The following ABCA2 variants were observed in gnomAD, a reference collection of about 807,000 sequenced individuals.
ABCA2 encodes the protein ATP binding cassette subfamily A member 2.
ABCA2 carries 84 observed loss-of-function variants against 262.8 expected under a neutral mutation model. That is an observed-to-expected ratio of 0.32 (90% CI 0.27 to 0.38). The LOEUF (loss-of-function observed/expected upper bound fraction) is 0.38. Among genes scored for constraint, ABCA2 ranks in the 10% least tolerant of loss-of-function variants. The pLI, the probability that ABCA2 is intolerant of heterozygous loss-of-function variation, is 1.00. For synonymous variants in ABCA2, 1,696 were observed against 1,502.9 expected, an observed-to-expected ratio of 1.13 and a Z score of -2.97; for missense variants, 2,662 against 3,405.9, an observed-to-expected ratio of 0.78 and a Z score of 5.44.
At chr9:137,018,141 T>G in intron 14 of ABCA2, 37 bp downstream of exon 14, 2 of 1,609,656 alleles carry the variant, frequency 1.2e-6, no homozygotes, top group Non-Finnish European at 1.7e-6. Context: ...TCCTCCCCCA[T>G]GAATCCTCCA....
intron 1 of ABCA2, among the ~76,000 whole-genome samples, chr9:137,025,781 G>A (rs73668383): frequency 0.015 from 2,337 of 152,278 alleles, 54 homozygotes; most frequent in African/African-American, 0.052. Context: ...CAACAGGCCC[G>A]GCTGCCTCCC....
In ABCA2 at chr9:137,017,218, G is replaced by A. The variant is rs765604778; in HGVS notation, c.2531C>T (p.Thr844Met). Residue 844 changes from threonine to methionine, a missense_variant, in exon 18 of 49, where the codon ACG (threonine) becomes ATG (methionine). Transcript: ENST00000341511. ...CACCGCGATGCACTTCTCGAAGGCC[G>A]TGATCTTATCATGCGCCACCTCCTC... Reference protein sequence around the residue: ...IREEVAHDKITAFEKCIASLM... With the variant: ...IREEVAHDKIMAFEKCIASLM... 1 of 1,612,578 alleles carries A rather than the reference G, an allele frequency of 6.2e-7. No individual in the cohort carries two copies. The highest frequency in any genetic ancestry group is 8.5e-7 in the Non-Finnish European group (1 of 1,179,892).
intron 1 of ABCA2, 164 bp downstream of exon 1, chr9:137,027,911 G>C (rs1831708465): frequency 5.6e-6 from 1 of 178,964 alleles, no homozygotes. Flanking sequence ...AGCGCCGGCA[G>C]GCGAGGGCAG....
Position 137,020,711 on chromosome 9 carries a change from G to A in ABCA2, c.1248C>T (p.Ile416=). 6.2e-7 allele frequency: 1 copy of A among 1,600,898 alleles called. No homozygotes were observed. Residue 416 remains isoleucine (I), a synonymous_variant, in exon 9 of 49, where the codon ATC becomes ATT. Transcript: ENST00000341511. ...CCACCTACCGGTTGTTGCCACACAA[G>A]ATGGGCTGCAGGCCGGCCCAGAGCT... The part of the protein sequence containing the change: ...FVQLWAGLQP[I]LCGNNRTIEP...
At chr9:137,024,533 A>C (rs1831585940) in intron 1 of ABCA2, among the ~76,000 whole-genome samples, 1 of 152,054 alleles carries the variant, frequency 6.6e-6, no homozygotes, top group African/African-American at 2.4e-5. Context: ...GTCTACTCTG[A>C]CCCATGTATA....
chr9:137,008,116 G>C (rs1564208962), intron 48 of ABCA2, 152 bp from the exon 49 acceptor site: 1 of 1,030,542 alleles, frequency 9.7e-7, no homozygotes, highest in Admixed American at 2.4e-5. Flanking sequence ...GGCTCTCCCG[G>C]GCCTCCGTCT....
chr9:137,019,239 G>A lies in ABCA2; in HGVS notation c.1493C>T (p.Ala498Val), dbSNP rs368150231. 1.2e-5 allele frequency: 19 copies of A among 1,612,558 alleles called. No individual in the cohort carries two copies. Among genetic ancestry groups the A allele is most frequent in the African/African-American group, 8.0e-5 (6 of 74,924 alleles). ...CTGCTCCAGGAAGCTGCGGATCTCC[G>A]CCGAGATGTTGAGCCAGACCTGGGC... ...HYAQVWLNIS[A>V]EIRSFLEQGR... Residue 498 changes from alanine (A) to valine (V), a missense_variant, in exon 11 of 49, where the codon GCG becomes GTG. Coordinates refer to ENST00000341511, the MANE Select transcript of ABCA2 (RefSeq NM_001606.5). This position sits in a 1 kb window ranked among gnomAD's most constrained non-coding sequence, Gnocchi z 4.4.
Position 137,011,973 on chromosome 9 carries a change from G to A in ABCA2, c.5406C>T (p.Ala1802=), listed in dbSNP as rs1313606353. Residue 1802 remains alanine, a synonymous_variant, in exon 35 of 49, where the codon GCC becomes GCT. Transcript: ENST00000341511. The surrounding 1 kb of genome is among the most constrained non-coding windows in gnomAD (Gnocchi z 8.8). The part of the protein sequence containing the change: ...DVVIAIFIIV[A]MSFVPASFVV... Reference sequence around the variant, plus strand: ...CGAAGCTGGCCGGCACGAAGGACATGGCCACGATGATGAAGATGGCGATGA... The same window carrying A: ...CGAAGCTGGCCGGCACGAAGGACATAGCCACGATGATGAAGATGGCGATGA... 1.2e-6 allele frequency: 2 copies of A among 1,612,698 alleles called. No homozygotes were observed. The highest frequency in any genetic ancestry group is 1.7e-6 in the Non-Finnish European group (2 of 1,179,960).
chr9:137,026,120 T>A (rs1831645466), intron 1 of ABCA2, among the ~76,000 whole-genome samples: 1 of 152,162 alleles, frequency 6.6e-6, no homozygotes, highest in African/African-American at 2.4e-5. Context: ...AGTGACCCTG[T>A]CCCTGCACCA....
rs536427137 is a variant in ABCA2 at position 137,020,786 on chromosome 9, T to G, written c.1173A>C (p.Ala391=). The change falls in exon 9 of 49, where the codon GCA becomes GCC. Residue 391 remains alanine, a synonymous_variant. Coordinates refer to ENST00000341511, the MANE Select transcript of ABCA2 (RefSeq NM_001606.5). ...ATAEEGAPSA[A]ALATPDTLQG... is the part of the protein sequence containing the mutation. ...GCAGCGTGTCCGGGGTGGCCAGTGC[T>G]GCAGCAGAGGGTGCGCCCTCCTCAG... 3.8e-6 allele frequency: 6 copies of G among 1,591,874 alleles called. No homozygotes were observed. In the South Asian group the frequency reaches 5.6e-5, roughly 15 times the overall value.
chr9:137,012,075 A>C, intron 34 of ABCA2, 27 bp downstream of exon 34: 3 of 1,612,452 alleles, frequency 1.9e-6, no homozygotes, highest in Non-Finnish European at 2.5e-6. Flanking sequence ...CACCTGCCCC[A>C]CCTCATCCCC....
intron 45 of ABCA2, 59 bp downstream of exon 45, chr9:137,009,311 C>A (rs1345606092): frequency 2.1e-6 from 3 of 1,444,900 alleles, no homozygotes; most frequent in Admixed American, 2.1e-5. Context: ...CCTGGCCCCG[C>A]TGCCTGGCCG....
intron 9 of ABCA2, 73 bp from the exon 10 acceptor site, chr9:137,020,568 T>C: frequency 6.5e-7 from 1 of 1,544,640 alleles, no homozygotes; most frequent in Non-Finnish European, 8.7e-7. Flanking sequence ...GGCATCGGGA[T>C]GGGGCAGGAC....
intron 47 of ABCA2, 35 bp from the exon 48 acceptor site, chr9:137,008,657 G>C: frequency 6.3e-7 from 1 of 1,577,066 alleles, no homozygotes; most frequent in South Asian, 1.2e-5. Context: ...GGAGGGGGCT[G>C]GTCTGGGGTG....
rs1831409638 is a variant in ABCA2 at position 137,020,395 on chromosome 9, T to C, written c.1366A>G (p.Ser456Gly). Residue 456 changes from serine to glycine, a missense_variant, in exon 10 of 49, where the codon AGC becomes GGC. Physicochemically the swap from Ser to Gly is moderately conservative, Grantham distance 56. Transcript: ENST00000341511. ...NLGLLVHLMT[S>G]NPKILYAPAG... ...GGCGCGTACAGGATTTTGGGGTTGC[T>C]GGTCATGAGGTGCACGAGGAGGCCC... The C allele has an allele frequency of 6.2e-7, 1 of 1,613,030 alleles. No homozygotes were observed. The highest frequency in any genetic ancestry group is 8.5e-7 in the Non-Finnish European group (1 of 1,179,996).
chr9:137,018,088 G>A lies in ABCA2; in HGVS notation c.1994-13C>T, dbSNP rs777364328. The A allele has an allele frequency of 3.7e-6, 6 of 1,611,610 alleles. No individual in the cohort carries two copies. Among genetic ancestry groups the A allele is most frequent in the Non-Finnish European group, 2.5e-6 (3 of 1,179,478 alleles). On this transcript the variant is annotated splice_polypyrimidine_tract_variant and intron_variant, in intron 14 of 48. Transcript: ENST00000341511. ...CGCTCCATCATGTCTGTGGGTGGGG[G>A]CAGCCATCAGGTGCCGGGCAGGCCC...
chr9:137,012,875 G>A lies in ABCA2; in HGVS notation c.4918C>T (p.Arg1640Cys), dbSNP rs750832439. ...SLPRLVREPV[R>C]CTCSAQGTGF... ...GTGCCCTGCGCAGAGCAGGTGCAGCGGACGGGCTCCCGTACCAGGCGCGGC... is the reference window on the plus strand; with the variant it reads ...GTGCCCTGCGCAGAGCAGGTGCAGCAGACGGGCTCCCGTACCAGGCGCGGC... Residue 1640 changes from arginine (R) to cysteine (C), a missense_variant, in exon 31 of 49, where the codon CGC becomes TGC. Arg to Cys is a radical substitution (Grantham distance 180, BLOSUM62 -3). Coordinates refer to ENST00000341511, the MANE Select transcript of ABCA2 (RefSeq NM_001606.5). The A allele has an allele frequency of 1.9e-6, 3 of 1,586,882 alleles. No individual in the cohort carries two copies. Among genetic ancestry groups the A allele is most frequent in the African/African-American group, 1.3e-5 (1 of 74,284 alleles).
At chr9:137,026,298 C>T (rs1381367619) in intron 1 of ABCA2, among the ~76,000 whole-genome samples, 3 of 152,248 alleles carry the variant, frequency 2.0e-5, no homozygotes, top group Non-Finnish European at 4.4e-5. Flanking sequence ...GGGTGGAGCT[C>T]TGCCCAGGGT....
At chr9:137,028,358 G>C, upstream of ABCA2, 1 of 827,582 alleles carries the variant, frequency 1.2e-6, no homozygotes. The surrounding 1 kb of genome is among the most constrained non-coding windows in gnomAD (Gnocchi z 6.9). Flanking sequence ...CGCTCCGTCC[G>C]CGCCCGCCAG....
Sources: allele counts gnomAD v4.1 joint callset (sites outside exome capture counted in the v4.1 genomes callset), GRCh38; gene constraint gnomAD v4.1.1; non-coding constraint Gnocchi (gnomAD v3.1); transcripts MANE v1.5; gene names NCBI Gene and HGNC (gene_info 2026-07-23, HGNC 2026-07-21).